DTNBP1: variants seen among roughly 807,000 people sequenced by gnomAD.
DTNBP1 encodes dystrobrevin binding protein 1, also known as dysbindin.
In DTNBP1, 35 loss-of-function variants were observed where a neutral mutation model predicts 42.8. The ratio of observed to expected loss-of-function variants is 0.82; its 90% CI spans 0.63 to 1.09. The LOEUF (loss-of-function observed/expected upper bound fraction) is 1.09, where lower values mean the gene tolerates loss of function less well. Among genes scored for constraint, DTNBP1 ranks in the 50% least tolerant of loss-of-function variants. The pLI, the probability that DTNBP1 is intolerant of heterozygous loss-of-function variation, is 0.00. For missense variants in DTNBP1, 457 were observed against 424.2 expected, an observed-to-expected ratio of 1.08 and a Z score of -0.68; for synonymous variants, 171 against 162.2, an observed-to-expected ratio of 1.05 and a Z score of -0.41.
At chr6:15,575,872 A>C (rs1420466977) in intron 7 of DTNBP1, among the ~76,000 whole-genome samples, 1 of 152,146 alleles carries the variant, frequency 6.6e-6, no homozygotes, top group African/African-American at 2.4e-5. Flanking sequence ...AGCATAAAGA[A>C]ATGGACTCCA....
intron 9 of DTNBP1, chr6:15,523,717 C>T (rs936272229): frequency 1.6e-6 from 2 of 1,287,102 alleles, no homozygotes; most frequent in African/African-American, 1.5e-5. Context: ...TCTAAATCTT[C>T]CCCTGACTCT....
chr6:15,646,484 C>T (rs1458087487), intron 3 of DTNBP1, among the ~76,000 whole-genome samples: 1 of 151,438 alleles, frequency 6.6e-6, no homozygotes, highest in African/African-American at 2.4e-5. Context: ...ATCAAATTAC[C>T]AATGCCATTT....
rs1775340002 is a variant in DTNBP1 at position 15,571,538 on chromosome 6, G to C, written c.511+21521C>G. Among the ~76,000 whole-genome samples, 16 of 152,240 alleles carry C rather than the reference G, an allele frequency of 1.1e-4. 1 individual carries two copies. The South Asian group carries it at 3.1e-3, about 30-fold the overall frequency. ...TTTCAGTAGCCAAGTGAGATCTTTT[G>C]CAAGATACTTGTATATTCACAAGAC... On this transcript the variant is annotated intron_variant, in intron 7 of 9. Coordinates refer to ENST00000344537, the MANE Select transcript of DTNBP1 (RefSeq NM_032122.5).
In DTNBP1 at chr6:15,524,557, T is replaced by C; in HGVS notation, c.780A>G (p.Gly260=). 6.2e-7 allele frequency: 1 copy of C among 1,610,260 alleles called. No homozygotes were observed. The highest frequency in any genetic ancestry group is 8.5e-7 in the Non-Finnish European group (1 of 1,177,736). ...EALDVFLNSG[G]EENTVLSPAL... ...CGGGGGACAGCACAGTGTTCTCTTCTCCTCCAGAGTTCAGGAAGACGTCCA... is the reference window on the plus strand; with the variant it reads ...CGGGGGACAGCACAGTGTTCTCTTCCCCTCCAGAGTTCAGGAAGACGTCCA... The change falls in exon 9 of 10, where the codon GGA becomes GGG. Residue 260 remains glycine (G), a synonymous_variant. Transcript: ENST00000344537.
intron 1 of DTNBP1, among the ~76,000 whole-genome samples, chr6:15,655,599 A>T (rs1016668382): frequency 1.3e-5 from 2 of 151,822 alleles, no homozygotes; most frequent in African/African-American, 2.4e-5. Context: ...AAATAAAAAC[A>T]AAGTAAAAAA....
At chr6:15,589,882 T>C (rs1415033395) in intron 7 of DTNBP1, among the ~76,000 whole-genome samples, 1 of 152,196 alleles carries the variant, frequency 6.6e-6, no homozygotes, top group African/African-American at 2.4e-5. Context: ...TTTTCTACCA[T>C]TCATGATTGA....
chr6:15,579,407 G>A (rs1775722797), intron 7 of DTNBP1, among the ~76,000 whole-genome samples: 1 of 152,214 alleles, frequency 6.6e-6, no homozygotes, highest in Non-Finnish European at 1.5e-5. Flanking sequence ...TTAACCAGAT[G>A]TTGGTTAACA....
At chr6:15,556,008 C>G (rs548181404) in intron 7 of DTNBP1, among the ~76,000 whole-genome samples, 3 of 152,028 alleles carry the variant, frequency 2.0e-5, no homozygotes, top group Non-Finnish European at 4.4e-5. Context: ...GCCAACTTTG[C>G]GTAAGTAGTA....
At chr6:15,541,929 G>A (rs970249395) in intron 7 of DTNBP1, among the ~76,000 whole-genome samples, 2 of 152,060 alleles carry the variant, frequency 1.3e-5, no homozygotes, top group African/African-American at 4.8e-5. Context: ...AAACCTCTGG[G>A]AGTCATGTAT....
intron 7 of DTNBP1, among the ~76,000 whole-genome samples, chr6:15,588,725 T>C (rs1359703468): frequency 1.3e-5 from 2 of 152,232 alleles, no homozygotes; most frequent in Non-Finnish European, 2.9e-5. Flanking sequence ...AAATTATTTG[T>C]GGCTCCTTCA....
At chr6:15,622,956 C>T (rs1047252125) in intron 5 of DTNBP1, among the ~76,000 whole-genome samples, 1 of 152,182 alleles carries the variant, frequency 6.6e-6, no homozygotes, top group Non-Finnish European at 1.5e-5. Flanking sequence ...AAAGAACTCT[C>T]CTTGGCTGCA....
chr6:15,657,158 C>T (rs1174721869), intron 1 of DTNBP1, among the ~76,000 whole-genome samples: 1 of 152,184 alleles, frequency 6.6e-6, no homozygotes, highest in African/African-American at 2.4e-5. Flanking sequence ...AGACTATCTA[C>T]ATCCTAATGC....
intron 8 of DTNBP1, 95 bp downstream of exon 8, chr6:15,533,144 AG>A: frequency 4.4e-6 from 7 of 1,573,208 alleles, no homozygotes; most frequent in Non-Finnish European, 6.0e-6. Flanking sequence ...GGAACTTCTG[AG>A]GATTCTGCCC....
intron 7 of DTNBP1, among the ~76,000 whole-genome samples, chr6:15,557,820 T>C (rs1014000341): frequency 6.6e-6 from 1 of 152,186 alleles, no homozygotes; most frequent in East Asian, 1.9e-4. Flanking sequence ...TAGGATTCTA[T>C]TTTATAATAT....
intron 7 of DTNBP1, among the ~76,000 whole-genome samples, chr6:15,575,131 T>G (rs910069050): frequency 1.3e-5 from 2 of 152,222 alleles, no homozygotes; most frequent in African/African-American, 4.8e-5. Flanking sequence ...GTGACTTTCA[T>G]GAAAACCTTT....
chr6:15,646,201 T>C (rs187066978), intron 3 of DTNBP1, among the ~76,000 whole-genome samples: 1 of 151,866 alleles, frequency 6.6e-6, no homozygotes, highest in African/African-American at 2.4e-5. Flanking sequence ...AGCATTTTTA[T>C]ACACCAACAA....
intron 6 of DTNBP1, among the ~76,000 whole-genome samples, chr6:15,598,284 G>A (rs868168500): frequency 1.5e-4 from 23 of 152,132 alleles, no homozygotes; most frequent in African/African-American, 5.3e-4. Context: ...AAACTTAATA[G>A]ACAGAAGCTA....
chr6:15,569,375 A>G (rs1775242869), intron 7 of DTNBP1, among the ~76,000 whole-genome samples: 2 of 92,070 alleles, frequency 2.2e-5, no homozygotes, highest in South Asian at 7.1e-4. Flanking sequence ...CCGCCCCGAC[A>G]GGAACGAAAT....
chr6:15,651,955 C>T, intron 2 of DTNBP1, 132 bp downstream of exon 2: 5 of 747,404 alleles, frequency 6.7e-6, no homozygotes, highest in Non-Finnish European at 1.1e-5. Flanking sequence ...TAGAAAGAAT[C>T]GATAAATTAT....
Sources: gnomAD v4.1 joint callset for allele counts (sites outside exome capture counted in the v4.1 genomes callset) on GRCh38, gnomAD v4.1.1 for gene constraint, MANE v1.5 for transcripts, NCBI Gene and HGNC (gene_info 2026-07-23, HGNC 2026-07-21) for gene names.